The following DPP6 variants were observed in gnomAD, a reference collection of about 807,000 sequenced individuals.
The protein encoded by DPP6 is dipeptidyl peptidase like 6.
Under a neutral mutation model 122.6 loss-of-function variants are expected in DPP6, and 69 were observed. That is an observed-to-expected ratio of 0.56 (90% CI 0.46 to 0.69). The LOEUF (loss-of-function observed/expected upper bound fraction) is 0.69, where lower values mean the gene tolerates loss of function less well. DPP6 is among the 30% of genes least tolerant of loss of function. The pLI is 0.00. For missense variants in DPP6, 928 were observed against 1,116.9 expected (o/e 0.83, Z 2.41); for synonymous variants, 418 against 433.1 (o/e 0.97, Z 0.43).
chr7:154,143,865 T>TATA (rs1795962404), intron 1 of DPP6, among the ~76,000 whole-genome samples: 2 of 152,162 alleles, frequency 1.3e-5, no homozygotes, highest in East Asian at 3.9e-4. Context: ...CTTTGTGCCG[T>TATA]TTTTTGTACA....
At chr7:154,232,275 C>T (rs946373695) in intron 1 of DPP6, among the ~76,000 whole-genome samples, 1 of 152,142 alleles carries the variant, frequency 6.6e-6, no homozygotes, top group African/African-American at 2.4e-5. Flanking sequence ...TTCCTTGGCC[C>T]AGAAACAGGG....
At chr7:154,653,523 A>G (rs1837019296) in intron 6 of DPP6, among the ~76,000 whole-genome samples, 1 of 152,134 alleles carries the variant, frequency 6.6e-6, no homozygotes, top group Non-Finnish European at 1.5e-5. Flanking sequence ...ATAAATAGGT[A>G]GATAGATAAA....
At chr7:154,022,968 A>T (rs1387425312) in intron 1 of DPP6, among the ~76,000 whole-genome samples, 3 of 152,200 alleles carry the variant, frequency 2.0e-5, no homozygotes, top group Non-Finnish European at 4.4e-5. Context: ...TCCAAGGGTC[A>T]GTACAAAGCC....
chr7:154,294,352 C>G (rs949803184), intron 1 of DPP6, among the ~76,000 whole-genome samples: 14 of 152,212 alleles, frequency 9.2e-5, no homozygotes, highest in African/African-American at 3.4e-4. Context: ...GGGAAGATGC[C>G]AAGTGTTTTA....
At chr7:154,000,349 A>G (rs1458869211) in intron 1 of DPP6, among the ~76,000 whole-genome samples, 5 of 152,226 alleles carry the variant, frequency 3.3e-5, no homozygotes, top group Admixed American at 6.5e-5. Context: ...ATTGGGGGCC[A>G]GCTGCACTGA....
At chr7:154,126,419 A>G (rs1388824185) in intron 1 of DPP6, among the ~76,000 whole-genome samples, 1 of 152,006 alleles carries the variant, frequency 6.6e-6, no homozygotes, top group African/African-American at 2.4e-5. Context: ...ACGTCCAGAC[A>G]GGGAAACCTG....
intron 7 of DPP6, among the ~76,000 whole-genome samples, chr7:154,669,643 C>T (rs1032496284): frequency 2.6e-5 from 4 of 151,978 alleles, no homozygotes; most frequent in African/African-American, 9.7e-5. Context: ...AGCAAATTCT[C>T]CTAAAATTGG....
chr7:154,257,537 A>G (rs1563377613), intron 1 of DPP6, among the ~76,000 whole-genome samples: 1 of 152,108 alleles, frequency 6.6e-6, no homozygotes, highest in Admixed American at 6.5e-5. Flanking sequence ...TCTACTAAAA[A>G]ATACAAAAAA....
chr7:153,935,925 C>T (rs1313290982), intron 1 of DPP6, among the ~76,000 whole-genome samples: 1 of 152,222 alleles, frequency 6.6e-6, no homozygotes, highest in African/African-American at 2.4e-5. Context: ...CTCCAAAGGC[C>T]TGGCCCGGAG....
intron 1 of DPP6, among the ~76,000 whole-genome samples, chr7:153,948,698 C>T (rs780441736): frequency 6.1e-5 from 9 of 147,180 alleles, no homozygotes; most frequent in Non-Finnish European, 1.0e-4. Context: ...ACAACTTAAA[C>T]AAAGGTCCCA....
At chr7:153,933,540 G>A (rs910158856) in intron 1 of DPP6, among the ~76,000 whole-genome samples, 5 of 152,274 alleles carry the variant, frequency 3.3e-5, no homozygotes, top group Middle Eastern at 3.4e-3. Flanking sequence ...ACTATCTGGC[G>A]TTGCACCAGC....
At chr7:154,746,547 A>G (rs925302081) in intron 8 of DPP6, among the ~76,000 whole-genome samples, 1 of 152,180 alleles carries the variant, frequency 6.6e-6, no homozygotes, top group African/African-American at 2.4e-5. Context: ...AGAAATTTCT[A>G]TCTGGGATTA....
At chr7:153,952,681 A>G (rs767575584) in intron 1 of DPP6, among the ~76,000 whole-genome samples, 1 of 152,222 alleles carries the variant, frequency 6.6e-6, no homozygotes, top group Non-Finnish European at 1.5e-5. Context: ...TGAAAGGTTT[A>G]TTTATTCCTT....
chr7:154,129,981 CTGGAGAAT>C (rs1168888086), intron 1 of DPP6, among the ~76,000 whole-genome samples: 1 of 151,218 alleles, frequency 6.6e-6, no homozygotes, highest in Non-Finnish European at 1.5e-5. Context: ...GAGGCGGAGG[CTGGAGAAT>C]TGCTTGAGCC....
chr7:154,682,981 T>G (rs1258999149), intron 7 of DPP6, among the ~76,000 whole-genome samples: 1 of 152,102 alleles, frequency 6.6e-6, no homozygotes, highest in Non-Finnish European at 1.5e-5. Flanking sequence ...TTGTTGTTGT[T>G]TTGTTTTGTT....
intron 1 of DPP6, among the ~76,000 whole-genome samples, chr7:154,374,096 C>T (rs982956039): frequency 6.6e-5 from 10 of 152,172 alleles, no homozygotes; most frequent in South Asian, 2.1e-4. Context: ...AACCCTGTCA[C>T]GTTGCTGTGT....
At chr7:154,665,766 C>A (rs986945946) in intron 6 of DPP6, among the ~76,000 whole-genome samples, 8 of 152,092 alleles carry the variant, frequency 5.3e-5, no homozygotes, top group African/African-American at 1.9e-4. Context: ...TATCTGTGTA[C>A]ATAGAGATTA....
In DPP6 at chr7:153,928,396, A is replaced by ATTTTTTTTTTTTTTTTTTTTTTTT. The variant is rs71182854; in HGVS notation, c.51+40664_51+40687dup. Among the ~76,000 whole-genome samples, 76 of 43,696 alleles carry ATTTTTTTTTTTTTTTTTTTTTTTT rather than the reference A, an allele frequency of 1.7e-3. 12 individuals carry two copies. Among genetic ancestry groups the ATTTTTTTTTTTTTTTTTTTTTTTT allele is most frequent in the Middle Eastern group, 0.022 (1 of 46 alleles). The allele number at this position is 43,696 out of a possible 152,430, so 28.7% of individuals were successfully genotyped here. A position where few individuals can be genotyped will look rare whatever the true frequency, so the allele number is the denominator to read the frequency against. ...CTGGCTAATTTTTTTCTTTTCTTTC[A>ATTTTTTTTTTTTTTTTTTTTTTTT]TTTTTTTTTTTTTTTTTTTTTTTTT... On this transcript the variant is annotated intron_variant, in intron 1 of 25. Coordinates refer to the DPP6 transcript ENST00000404039.
At chr7:153,911,897 T>G (rs1398011698) in intron 1 of DPP6, among the ~76,000 whole-genome samples, 2 of 152,256 alleles carry the variant, frequency 1.3e-5, no homozygotes, top group East Asian at 1.9e-4. Flanking sequence ...GGCTGTCCAT[T>G]AAAATCTTAG....
Sources: gnomAD v4.1 joint callset for allele counts (sites outside exome capture counted in the v4.1 genomes callset) on GRCh38, gnomAD v4.1.1 for gene constraint, MANE v1.5 for transcripts, NCBI Gene and HGNC (gene_info 2026-07-23, HGNC 2026-07-21) for gene names.